The following TYR variants were observed in gnomAD, a reference collection of about 807,000 sequenced individuals.
TYR encodes the protein tyrosinase, also known as LB24-AB.
TYR carries 58 observed loss-of-function variants against 51.5 expected under a neutral mutation model. The observed-to-expected ratio is 1.13, with a 90% confidence interval of 0.91 to 1.40. TYR has a LOEUF of 1.40. Among genes scored for constraint, TYR ranks in the 40% most tolerant of loss-of-function variants. TYR has a pLI of 0.00. For synonymous variants in TYR, 263 were observed against 235.2 expected, an observed-to-expected ratio of 1.12 and a Z score of -1.08; for missense variants, 732 against 647.4, an observed-to-expected ratio of 1.13 and a Z score of -1.42.
At chr11:89,258,064 T>G (rs184200923) in intron 3 of TYR, among the ~76,000 whole-genome samples, 1,769 of 152,140 alleles carry the variant, frequency 0.012, 33 homozygotes, top group African/African-American at 0.041. Context: ...TTGTGCTAAT[T>G]GATTCCACAA....
intron 3 of TYR, among the ~76,000 whole-genome samples, chr11:89,249,447 A>T (rs1229402902): frequency 7.1e-6 from 1 of 140,642 alleles, no homozygotes; most frequent in Non-Finnish European, 1.5e-5. Context: ...AAAAAAGGAC[A>T]TTAAGCCACA....
At chr11:89,269,111 A>G (rs914205730) in intron 3 of TYR, among the ~76,000 whole-genome samples, 11 of 151,994 alleles carry the variant, frequency 7.2e-5, no homozygotes, top group African/African-American at 2.4e-4. Context: ...GGAGCTTGAC[A>G]TGTCATGATT....
intron 3 of TYR, among the ~76,000 whole-genome samples, chr11:89,248,203 C>T (rs1944289784): frequency 1.3e-5 from 2 of 151,952 alleles, no homozygotes; most frequent in Admixed American, 6.6e-5. Context: ...GTTCTTAGCA[C>T]ACAATTACTA....
intron 4 of TYR, among the ~76,000 whole-genome samples, chr11:89,286,396 T>G (rs1208336142): frequency 1.3e-5 from 2 of 151,888 alleles, no homozygotes; most frequent in Non-Finnish European, 2.9e-5. Flanking sequence ...ATACTAAGTA[T>G]TTTTTATTAG....
intron 2 of TYR, among the ~76,000 whole-genome samples, chr11:89,191,761 AAAGAAGCAGCAGCAGAAGCAG>A (rs1236600696): frequency 3.3e-5 from 5 of 152,160 alleles, no homozygotes; most frequent in Non-Finnish European, 7.4e-5. Flanking sequence ...GACTCTGAGG[AAAGAAGCAGCAGCAGAAGCAG>A]AAGAAGCAGC....
chr11:89,187,865 T>C (rs1353216843), intron 1 of TYR, among the ~76,000 whole-genome samples: 1 of 151,916 alleles, frequency 6.6e-6, no homozygotes, highest in African/African-American at 2.4e-5. Context: ...ATAGAGTTTA[T>C]CACCTAACAG....
At chr11:89,206,638 C>A (rs1434650767) in intron 2 of TYR, among the ~76,000 whole-genome samples, 1 of 150,372 alleles carries the variant, frequency 6.7e-6, no homozygotes, top group Non-Finnish European at 1.5e-5. Flanking sequence ...ATCTAATCAA[C>A]ATTGATAGAA....
chr11:89,224,019 G>T (rs1487373841), intron 2 of TYR, among the ~76,000 whole-genome samples: 1 of 151,212 alleles, frequency 6.6e-6, no homozygotes, highest in Non-Finnish European at 1.5e-5. Flanking sequence ...CTCTTAAAAT[G>T]TCGGTCCATT....
At chr11:89,186,670 C>A (rs954985160) in intron 1 of TYR, among the ~76,000 whole-genome samples, 1 of 152,118 alleles carries the variant, frequency 6.6e-6, no homozygotes. Context: ...CACCTTAGCA[C>A]GGTGCACAGG....
intron 3 of TYR, among the ~76,000 whole-genome samples, chr11:89,244,755 T>C (rs918097576): frequency 6.6e-6 from 1 of 152,238 alleles, no homozygotes; most frequent in Non-Finnish European, 1.5e-5. Context: ...TCTGCACATA[T>C]GCATTCCTTC....
At position 89,178,025 on chromosome 11, in the gene TYR, T is replaced by C. The variant is rs2135241668; in HGVS notation, c.72T>C (p.Cys24=). ...CCGCTGGCCATTTCCCTAGAGCCTG[T>C]GTCTCCTCTAAGAACCTGATGGAGA... ...QTSAGHFPRA[C]VSSKNLMEKE... is the part of the protein sequence containing the mutation. Residue 24 remains cysteine, a synonymous_variant, in exon 1 of 5, where the codon TGT becomes TGC. Coordinates refer to ENST00000263321, the MANE Select transcript of TYR (RefSeq NM_000372.5). 6.2e-7 allele frequency: 1 copy of C among 1,614,208 alleles called. No individual in the cohort carries two copies. Among genetic ancestry groups the C allele is most frequent in the Non-Finnish European group, 8.5e-7 (1 of 1,180,026 alleles).
At chr11:89,291,993 A>G (rs2135329980) in intron 4 of TYR, among the ~76,000 whole-genome samples, 1 of 152,150 alleles carries the variant, frequency 6.6e-6, no homozygotes, top group Middle Eastern at 3.4e-3. Flanking sequence ...ATAGTATGCT[A>G]TGATTACGTT....
chr11:89,194,586 G>A (rs544232466), intron 2 of TYR, among the ~76,000 whole-genome samples: 1 of 152,164 alleles, frequency 6.6e-6, no homozygotes, highest in East Asian at 1.9e-4. Flanking sequence ...TTCAACTTCA[G>A]CACTGCTTTT....
intron 4 of TYR, among the ~76,000 whole-genome samples, chr11:89,287,090 C>A (rs1944797925): frequency 1.3e-5 from 2 of 151,816 alleles, no homozygotes; most frequent in Non-Finnish European, 2.9e-5. Context: ...ACGCCTTTCT[C>A]ATAGTTACAT....
At chr11:89,179,461 C>T (rs565546039) in intron 1 of TYR, among the ~76,000 whole-genome samples, 9 of 152,078 alleles carry the variant, frequency 5.9e-5, no homozygotes, top group African/African-American at 1.9e-4. Flanking sequence ...TTTGTGCATT[C>T]GTTCATTTCA....
rs56414416 is a variant in TYR, at chr11:89,178,337, C to A, written c.384C>A (p.Ala128=). 8 of 1,614,118 alleles carry A rather than the reference C, an allele frequency of 5.0e-6. No homozygotes were observed. The African/African-American group carries it at 1.1e-4, about 22-fold the overall frequency. The change falls in exon 1 of 5, where the codon GCC becomes GCA. Residue 128 remains alanine (A), a synonymous_variant. Coordinates refer to ENST00000263321, the MANE Select transcript of TYR (RefSeq NM_000372.5). ...GAAGAAACATCTTCGATTTGAGTGC[C>A]CCAGAGAAGGACAAATTTTTTGCCT... ...LVRRNIFDLS[A]PEKDKFFAYL...
chr11:89,190,737 CTTCTAGT>C (rs1943431543), intron 1 of TYR, among the ~76,000 whole-genome samples: 1 of 152,026 alleles, frequency 6.6e-6, no homozygotes, highest in African/African-American at 2.4e-5. Flanking sequence ...CCCAATGCAA[CTTCTAGT>C]CCTGCAAGGT....
intron 3 of TYR, among the ~76,000 whole-genome samples, chr11:89,234,893 A>G (rs553271018): frequency 6.9e-6 from 1 of 145,930 alleles, no homozygotes; most frequent in African/African-American, 2.8e-5. Context: ...AAGTGAACAC[A>G]TGTTGGAAAA....
chr11:89,223,509 G>A (rs917713237), intron 2 of TYR, among the ~76,000 whole-genome samples: 1 of 151,856 alleles, frequency 6.6e-6, no homozygotes, highest in Non-Finnish European at 1.5e-5. Context: ...TCTCTGTTTT[G>A]TCACTTGACA....
Sources: gnomAD v4.1 joint callset for allele counts (sites outside exome capture counted in the v4.1 genomes callset) on GRCh38, gnomAD v4.1.1 for gene constraint, MANE v1.5 for transcripts, NCBI Gene and HGNC (gene_info 2026-07-23, HGNC 2026-07-21) for gene names.